TMPRSS15: variants seen among roughly 807,000 people sequenced by gnomAD.
TMPRSS15 encodes enteropeptidase.
TMPRSS15 carries 128 observed loss-of-function variants against 125.3 expected under a neutral mutation model. The observed-to-expected ratio is 1.02, with a 90% CI of 0.89 to 1.18. TMPRSS15 has a LOEUF of 1.18. TMPRSS15 is among the 50% of genes most tolerant of loss of function. The pLI, the probability that TMPRSS15 is intolerant of heterozygous loss-of-function variation, is 0.00. For missense variants in TMPRSS15, 1,283 were observed against 1,212.7 expected (o/e 1.06, Z -0.86); for synonymous variants, 446 against 423.2 (o/e 1.05, Z -0.66).
At chr21:18,459,509 A>G (rs1420680987) in intron 1 of TMPRSS15, among the ~76,000 whole-genome samples, 9 of 152,032 alleles carry the variant, frequency 5.9e-5, no homozygotes. Context: ...CCTGGCCTCA[A>G]GTGATCCACC....
intron 7 of TMPRSS15, among the ~76,000 whole-genome samples, chr21:18,362,439 C>G (rs1432397562): frequency 1.3e-5 from 2 of 152,160 alleles, no homozygotes; most frequent in Non-Finnish European, 2.9e-5. Flanking sequence ...CAGAGGACCT[C>G]TGCTTTTCCA....
intron 16 of TMPRSS15, among the ~76,000 whole-genome samples, chr21:18,325,645 A>G (rs1186929644): frequency 6.6e-6 from 1 of 152,042 alleles, no homozygotes; most frequent in Non-Finnish European, 1.5e-5. Flanking sequence ...AGGAAGTAGC[A>G]TATATTCTGT....
At chr21:18,275,440 T>C in intron 23 of TMPRSS15, 104 bp from the exon 24 acceptor site, 1 of 1,349,244 alleles carries the variant, frequency 7.4e-7, no homozygotes, top group Non-Finnish European at 1.0e-6. Context: ...ACTCTCATTA[T>C]CAAGTACTGT....
In TMPRSS15 at chr21:18,281,145, C is replaced by T. The variant is rs1344057441; in HGVS notation, c.2563G>A (p.Val855Ile). ...MKSNLTSPQT[V>I]PRLIDEIVIN... ...ACAATTTCATCTATTAATCGAGGGA[C>T]TGTTTGAGGAGAGGTCAGATTTGAT... is the stretch of plus-strand genomic sequence containing the variant. The change falls in exon 22 of 25, where the codon GTC becomes ATC. Residue 855 changes from valine to isoleucine, a missense_variant. Coordinates refer to ENST00000284885, the MANE Select transcript of TMPRSS15 (RefSeq NM_002772.3). 1.2e-6 allele frequency: 2 copies of T among 1,613,766 alleles called. No individual in the cohort carries two copies. The highest frequency in any genetic ancestry group is 1.3e-5 in the African/African-American group (1 of 74,842).
At chr21:18,484,284 T>C (rs1979037367) in intron 1 of TMPRSS15, among the ~76,000 whole-genome samples, 1 of 151,868 alleles carries the variant, frequency 6.6e-6, no homozygotes, top group Non-Finnish European at 1.5e-5. Flanking sequence ...AGCTTAGTCT[T>C]TAAGGAGGTC....
intron 14 of TMPRSS15, 117 bp from the exon 15 acceptor site, chr21:18,329,411 T>C: frequency 9.7e-7 from 1 of 1,035,098 alleles, no homozygotes; most frequent in Non-Finnish European, 1.4e-6. Context: ...TTCCACTTCA[T>C]GAAAATCAGT....
At chr21:18,476,031 G>T (rs1978873957) in intron 1 of TMPRSS15, among the ~76,000 whole-genome samples, 1 of 152,140 alleles carries the variant, frequency 6.6e-6, no homozygotes, top group Middle Eastern at 3.2e-3. Context: ...GTATTAATGA[G>T]AATTGTATTT....
At chr21:18,468,935 C>A (rs567611544) in intron 1 of TMPRSS15, among the ~76,000 whole-genome samples, 2 of 152,120 alleles carry the variant, frequency 1.3e-5, no homozygotes, top group Non-Finnish European at 2.9e-5. Context: ...AGTACGCAGG[C>A]GTAGTCATAA....
chr21:18,283,245 T>C (rs1223684711), intron 21 of TMPRSS15, among the ~76,000 whole-genome samples: 1 of 152,186 alleles, frequency 6.6e-6, no homozygotes. Flanking sequence ...TCTGAACTTC[T>C]TTCTCTATCA....
intron 18 of TMPRSS15, among the ~76,000 whole-genome samples, chr21:18,305,183 CTT>C (rs59103494): frequency 2.3e-5 from 2 of 86,044 alleles, no homozygotes; most frequent in African/African-American, 4.4e-5. Context: ...AATTTCCGTA[CTT>C]TTTTTTTTTT....
chr21:18,434,109 A>G (rs538919939), intron 1 of TMPRSS15, among the ~76,000 whole-genome samples: 14 of 152,282 alleles, frequency 9.2e-5, no homozygotes, highest in Non-Finnish European at 1.6e-4. Context: ...AATGGCTTCA[A>G]ATATTTTATT....
chr21:18,464,128 G>A (rs2122911186), intron 1 of TMPRSS15, among the ~76,000 whole-genome samples: 75 of 143,586 alleles, frequency 5.2e-4, no homozygotes, highest in Non-Finnish European at 9.1e-4. Context: ...AGCTGAGATC[G>A]TGCCACTGAA....
intron 5 of TMPRSS15, among the ~76,000 whole-genome samples, chr21:18,377,370 T>C (rs1052727157): frequency 3.9e-5 from 6 of 152,088 alleles, no homozygotes; most frequent in African/African-American, 1.4e-4. Flanking sequence ...CAAATAGTTG[T>C]TTTGTTCAAT....
intron 14 of TMPRSS15, among the ~76,000 whole-genome samples, chr21:18,331,649 G>C (rs1031509905): frequency 3.9e-5 from 6 of 152,126 alleles, no homozygotes; most frequent in Non-Finnish European, 8.8e-5. Flanking sequence ...GCTACAACTG[G>C]TTCTTTACTT....
rs147153739 is a variant in TMPRSS15, at chr21:18,409,588, C to A, written c.11-11259G>T. ...TTCAACTGTGTATTTCTGTTCTCTG[C>A]CATCCCTAATTTACAAATTTGTGTA... is the stretch of plus-strand genomic sequence containing the variant. On this transcript the variant is annotated intron_variant, in intron 1 of 7. Transcript: ENST00000422787. 2.5e-4 allele frequency among the ~76,000 whole-genome samples: 38 copies of A among 152,114 alleles called. No homozygotes were observed. In the East Asian group the frequency reaches 7.3e-3, roughly 29 times the overall value.
At chr21:18,286,281 A>G (rs985606485) in intron 21 of TMPRSS15, among the ~76,000 whole-genome samples, 1 of 152,096 alleles carries the variant, frequency 6.6e-6, no homozygotes, top group South Asian at 2.1e-4. Context: ...TTATATCTAC[A>G]CTGGCCTCAT....
chr21:18,373,733 G>T (rs2075814590), intron 5 of TMPRSS15, among the ~76,000 whole-genome samples: 1 of 152,142 alleles, frequency 6.6e-6, no homozygotes. Flanking sequence ...TGCTTCTCAT[G>T]GGAGCTCCAC....
intron 21 of TMPRSS15, among the ~76,000 whole-genome samples, chr21:18,289,117 A>T (rs1325905826): frequency 6.6e-6 from 1 of 152,246 alleles, no homozygotes; most frequent in Non-Finnish European, 1.5e-5. Context: ...TAATTATGGT[A>T]TCAATTAAGT....
chr21:18,363,761 T>C (rs1387813252), intron 7 of TMPRSS15, among the ~76,000 whole-genome samples: 1 of 152,082 alleles, frequency 6.6e-6, no homozygotes, highest in African/African-American at 2.4e-5. Context: ...TATATAGATA[T>C]ATAAACACAT....
Sources: allele counts gnomAD v4.1 joint callset (sites outside exome capture counted in the v4.1 genomes callset), GRCh38; gene constraint gnomAD v4.1.1; transcripts MANE v1.5; gene names NCBI Gene and HGNC (gene_info 2026-07-23, HGNC 2026-07-21).